The following DMD variants were observed in gnomAD, a reference collection of about 807,000 sequenced individuals.
The protein encoded by DMD is dystrophin.
DMD carries 63 observed loss-of-function variants against 330.1 expected under a neutral mutation model. The observed-to-expected ratio is 0.19, with a 90% CI of 0.16 to 0.24. DMD has a LOEUF of 0.24. Among genes scored for constraint, DMD ranks in the 10% least tolerant of loss-of-function variants. The probability of loss-of-function intolerance (pLI) is 1.00; values close to 1 mark genes in which losing one functional copy is unlikely to be tolerated. For synonymous variants in DMD, 1,223 were observed against 959.8 expected (o/e 1.27, Z -5.07); for missense variants, 3,344 against 2,684.1 (o/e 1.25, Z -5.43).
At chrX:32,681,881 G>A (rs1425010556) in intron 9 of DMD, among the ~76,000 whole-genome samples, 1 of 102,041 alleles carries the variant, frequency 9.8e-6, no homozygotes, top group Non-Finnish European at 1.9e-5. Context: ...AGATCTCTTT[G>A]CAGTCTAAGG....
intron 55 of DMD, among the ~76,000 whole-genome samples, chrX:31,593,903 CAAT>C (rs1223892496): frequency 9.0e-6 from 1 of 110,940 alleles, no homozygotes. Context: ...AATAATTAAA[CAAT>C]ATTTATATTA....
At chrX:32,471,926 C>G (rs1260044647) in intron 22 of DMD, among the ~76,000 whole-genome samples, 1 of 111,790 alleles carries the variant, frequency 8.9e-6, no homozygotes, top group Non-Finnish European at 1.9e-5. Flanking sequence ...TAAAAATATA[C>G]TTCATAAATA....
chrX:32,310,320 C>A, intron 41 of DMD, 44 bp from the exon 42 acceptor site: 1 of 1,026,824 alleles, frequency 9.7e-7, no homozygotes, highest in Non-Finnish European at 1.4e-6. Flanking sequence ...AGCTTCCTAA[C>A]AGTGAAACCT....
In DMD at chrX:33,117,695, C is replaced by T. The variant is rs1270469252; in HGVS notation, c.31+93587G>A. Among the ~76,000 whole-genome samples the T allele has an allele frequency of 4.5e-5, 5 of 111,487 alleles. No individual in the cohort carries two copies. In the Admixed American group the frequency reaches 4.8e-4, roughly 11 times the overall value. ...CACAGGGTAAGCAGTAAAGTTACAA[C>T]TCCTCTCATGTGTCCTGATTACAAA... On this transcript the variant is annotated intron_variant, in intron 1 of 78. Transcript: ENST00000357033.
At chrX:32,289,189 A>C (rs918249428) in intron 42 of DMD, among the ~76,000 whole-genome samples, 1 of 111,511 alleles carries the variant, frequency 9.0e-6, no homozygotes, top group Non-Finnish European at 1.9e-5. Context: ...AATCTTCCAG[A>C]TATCACCATT....
chrX:32,625,765 T>C (rs2058308348), intron 11 of DMD, among the ~76,000 whole-genome samples: 1 of 112,216 alleles, frequency 8.9e-6, no homozygotes, highest in African/African-American at 3.2e-5. Context: ...CATAAATGGA[T>C]AGACTTTATA....
intron 7 of DMD, among the ~76,000 whole-genome samples, chrX:32,807,142 A>AAAAAAAAAAC (rs2077012412): frequency 9.6e-6 from 1 of 104,353 alleles, no homozygotes; most frequent in Non-Finnish European, 2.0e-5. Context: ...AAAAAAAAAA[A>AAAAAAAAAAC]AAAAAAACAT....
intron 1 of DMD, among the ~76,000 whole-genome samples, chrX:33,199,567 C>A (rs1272524968): frequency 8.1e-5 from 9 of 111,355 alleles, no homozygotes; most frequent in Non-Finnish European, 1.9e-5. Context: ...AATCACAGTT[C>A]TGGAATTCAT....
intron 44 of DMD, among the ~76,000 whole-genome samples, chrX:32,208,278 G>T (rs1167028017): frequency 8.9e-6 from 1 of 112,111 alleles, no homozygotes; most frequent in Non-Finnish European, 1.9e-5. Flanking sequence ...TACGACCACG[G>T]TTAATCCTAA....
chrX:31,590,649 G>C (rs1320926680), intron 55 of DMD, among the ~76,000 whole-genome samples: 1 of 111,002 alleles, frequency 9.0e-6, no homozygotes, highest in Non-Finnish European at 1.9e-5. Flanking sequence ...TCCAAACCAA[G>C]ACATTTAAGA....
At chrX:32,364,963 A>G (rs1371430381) in intron 35 of DMD, 57 bp downstream of exon 35, 1 of 1,161,479 alleles carries the variant, frequency 8.6e-7, no homozygotes, top group Admixed American at 2.2e-5. Flanking sequence ...CTGGTCACTT[A>G]TGTATCTTTT....
chrX:32,611,117 C>T (rs2057134429), intron 12 of DMD, among the ~76,000 whole-genome samples: 1 of 110,492 alleles, frequency 9.1e-6, no homozygotes, highest in Non-Finnish European at 1.9e-5. Context: ...TGTTAAGTCA[C>T]CTTCTTCTCG....
chrX:32,132,993 CTTTTTTTTTTTTTTTTT>C (rs377615262), intron 44 of DMD, among the ~76,000 whole-genome samples: 16 of 75,974 alleles, frequency 2.1e-4, no homozygotes, highest in Admixed American at 2.0e-3. Flanking sequence ...CTTTTCTTTT[CTTTTTTTTTTTTTTTTT>C]TTTTTTTTTT....
At chrX:32,506,154 G>C (rs1458258944) in intron 18 of DMD, among the ~76,000 whole-genome samples, 1 of 111,656 alleles carries the variant, frequency 9.0e-6, no homozygotes, top group Admixed American at 9.5e-5. Context: ...AATAGGGAAA[G>C]CTAATGTATA....
At chrX:32,705,613 A>T (rs1390412789) in intron 7 of DMD, among the ~76,000 whole-genome samples, 1 of 111,410 alleles carries the variant, frequency 9.0e-6, no homozygotes, top group South Asian at 3.8e-4. Flanking sequence ...TAGGAATTTG[A>T]CACCAGCCTG....
chrX:32,563,418 A>G (rs1383554398), intron 16 of DMD, among the ~76,000 whole-genome samples: 1 of 109,390 alleles, frequency 9.1e-6, no homozygotes, highest in African/African-American at 3.3e-5. Context: ...CATGACTTAC[A>G]TATCAAACTC....
At position 32,088,372 on chromosome X, in the gene DMD, T is replaced by C. The variant is rs182146845; in HGVS notation, c.6439-119858A>G. Among the ~76,000 whole-genome samples the C allele has an allele frequency of 2.2e-4, 24 of 109,995 alleles. No individual in the cohort carries two copies. The East Asian group carries it at 6.9e-3, about 32-fold the overall frequency. ...GTTCAAGGTCAGACAGGTTCCACGG[T>C]GGAACCTGGAAAGTAATCTCAGATA... On this transcript the variant is annotated intron_variant, in intron 44 of 78. Coordinates refer to ENST00000357033, the MANE Select transcript of DMD (RefSeq NM_004006.3).
chrX:31,969,722 G>A (rs1033327833), intron 44 of DMD, among the ~76,000 whole-genome samples: 3 of 111,105 alleles, frequency 2.7e-5, no homozygotes, highest in African/African-American at 6.6e-5. Context: ...AATTATTTTC[G>A]AATACTGGAA....
At chrX:32,630,948 T>G (rs758092509) in intron 11 of DMD, among the ~76,000 whole-genome samples, 87 of 111,699 alleles carry the variant, frequency 7.8e-4, no homozygotes, top group Middle Eastern at 4.6e-3. Flanking sequence ...AGTATCGGCT[T>G]GTTTGTATCC....
Sources: gnomAD v4.1 joint callset for allele counts (sites outside exome capture counted in the v4.1 genomes callset) on GRCh38, gnomAD v4.1.1 for gene constraint, MANE v1.5 for transcripts, NCBI Gene and HGNC (gene_info 2026-07-23, HGNC 2026-07-21) for gene names.